The following GRID2 variants were observed in gnomAD, a reference collection of about 807,000 sequenced individuals.
GRID2 encodes glutamate receptor ionotropic, delta-2.
Under a neutral mutation model 114.8 loss-of-function variants are expected in GRID2, and 33 were observed. The observed-to-expected ratio is 0.29, with a 90% confidence interval of 0.22 to 0.38. The LOEUF (loss-of-function observed/expected upper bound fraction) is 0.38. Among genes scored for constraint, GRID2 ranks in the 10% least tolerant of loss-of-function variants. GRID2 has a pLI of 1.00. For missense variants in GRID2, 1,184 were observed against 1,257.7 expected (o/e 0.94, Z 0.89); for synonymous variants, 505 against 449.9 (o/e 1.12, Z -1.55).
intron 13 of GRID2, among the ~76,000 whole-genome samples, chr4:93,588,448 C>T (rs1268630808): frequency 3.9e-5 from 6 of 152,084 alleles, no homozygotes; most frequent in African/African-American, 1.4e-4. Flanking sequence ...TGCAAACAGT[C>T]GATCACCAGT....
intron 8 of GRID2, among the ~76,000 whole-genome samples, chr4:93,315,234 T>C (rs1756461891): frequency 6.6e-6 from 1 of 152,100 alleles, no homozygotes. Context: ...ATCACTTTTC[T>C]CCCTCCACAC....
intron 1 of GRID2, among the ~76,000 whole-genome samples, chr4:92,533,709 A>C (rs946330525): frequency 2.0e-5 from 3 of 152,168 alleles, no homozygotes; most frequent in African/African-American, 7.2e-5. Context: ...ATATTAAACA[A>C]TATGGTAGTG....
chr4:92,735,660 C>G (rs894864447), intron 2 of GRID2, among the ~76,000 whole-genome samples: 3 of 152,088 alleles, frequency 2.0e-5, no homozygotes, highest in Non-Finnish European at 4.4e-5. Flanking sequence ...GATGTAAGTG[C>G]TACTCAGACT....
chr4:93,693,081 T>C (rs185733284), intron 14 of GRID2, among the ~76,000 whole-genome samples: 1 of 152,178 alleles, frequency 6.6e-6, no homozygotes, highest in Non-Finnish European at 1.5e-5. Context: ...AGAAAATAAA[T>C]CCATCTGGCC....
At chr4:93,519,475 C>T (rs1449854610) in intron 13 of GRID2, among the ~76,000 whole-genome samples, 1 of 152,106 alleles carries the variant, frequency 6.6e-6, no homozygotes, top group Non-Finnish European at 1.5e-5. Context: ...AGGACATAAA[C>T]AGATACAGCT....
intron 2 of GRID2, among the ~76,000 whole-genome samples, chr4:92,863,056 T>C (rs548812828): frequency 6.6e-6 from 1 of 152,268 alleles, no homozygotes; most frequent in African/African-American, 2.4e-5. Context: ...TCTAAGTCTT[T>C]GAGCTTAAAA....
At chr4:93,695,084 C>G (rs1468668360) in intron 14 of GRID2, among the ~76,000 whole-genome samples, 5 of 151,134 alleles carry the variant, frequency 3.3e-5, no homozygotes, top group Non-Finnish European at 7.4e-5. Flanking sequence ...GGCAGGAGAA[C>G]TGCTTGAACC....
chr4:92,706,605 G>T (rs1734969652), intron 2 of GRID2, among the ~76,000 whole-genome samples: 1 of 152,070 alleles, frequency 6.6e-6, no homozygotes, highest in Non-Finnish European at 1.5e-5. Flanking sequence ...AATGTGGAGG[G>T]TGCTATTAGT....
intron 9 of GRID2, 99 bp from the exon 10 acceptor site, chr4:93,422,672 A>C: frequency 2.7e-6 from 2 of 734,264 alleles, no homozygotes; most frequent in Non-Finnish European, 2.3e-6. Flanking sequence ...CAAAGTATAA[A>C]ACAATTTTTA....
intron 14 of GRID2, among the ~76,000 whole-genome samples, chr4:93,731,702 G>C (rs182872772): frequency 6.6e-6 from 1 of 152,210 alleles, no homozygotes. Flanking sequence ...CTTGTGGTAT[G>C]CAGACTCATT....
At chr4:92,535,707 T>G (rs1221487511) in intron 1 of GRID2, among the ~76,000 whole-genome samples, 1 of 152,166 alleles carries the variant, frequency 6.6e-6, no homozygotes, top group Non-Finnish European at 1.5e-5. Context: ...AAATCTATTG[T>G]GTCTGGAACT....
chr4:92,938,826 G>A (rs1322233844), intron 2 of GRID2, among the ~76,000 whole-genome samples: 1 of 134,270 alleles, frequency 7.4e-6, no homozygotes, highest in African/African-American at 2.7e-5. Context: ...TTGGTTTTTT[G>A]TCCTTGCGAT....
In GRID2 at chr4:92,606,501, C is replaced by G. The variant is rs2149224086; in HGVS notation, c.244+16215C>G. Among the ~76,000 whole-genome samples, 2 of 152,072 alleles carry G rather than the reference C, an allele frequency of 1.3e-5. 1 individual carries two copies. Among genetic ancestry groups the G allele is most frequent in the East Asian group, 3.9e-4 (2 of 5,150 alleles). On this transcript the variant is annotated intron_variant, in intron 2 of 15. Transcript: ENST00000282020. ...AGAAGGTAAGGCATTTATTTTCTGT[C>G]TTCTGTGTGTGGTTGTCTTAAGCTG...
intron 14 of GRID2, among the ~76,000 whole-genome samples, chr4:93,733,965 A>C (rs1402519235): frequency 4.0e-5 from 6 of 151,788 alleles, no homozygotes; most frequent in Admixed American, 6.6e-5. Context: ...CTTTTTTAAA[A>C]CTCTTCTTAA....
At chr4:93,223,804 C>CTT (rs1290927494) in intron 6 of GRID2, among the ~76,000 whole-genome samples, 1 of 151,900 alleles carries the variant, frequency 6.6e-6, no homozygotes, top group Non-Finnish European at 1.5e-5. Flanking sequence ...AAATAAGCAC[C>CTT]TTTGGTGATT....
chr4:93,527,003 A>G (rs759802670), intron 13 of GRID2, among the ~76,000 whole-genome samples: 2 of 152,084 alleles, frequency 1.3e-5, no homozygotes, highest in African/African-American at 4.8e-5. Flanking sequence ...GTGTGTATGT[A>G]TATTATACAT....
chr4:93,302,734 T>C, intron 8 of GRID2: 1 of 363,842 alleles, frequency 2.7e-6, no homozygotes, highest in Non-Finnish European at 5.4e-6. Flanking sequence ...TTTATGCTCA[T>C]TTCCTAATAA....
intron 9 of GRID2, among the ~76,000 whole-genome samples, chr4:93,416,258 T>TA (rs944720486): frequency 6.6e-6 from 1 of 151,708 alleles, no homozygotes; most frequent in Non-Finnish European, 1.5e-5. Context: ...ATATGCTCTA[T>TA]AAAAAAAAGT....
chr4:93,388,389 G>T (rs1313033019), intron 8 of GRID2, among the ~76,000 whole-genome samples: 12 of 152,130 alleles, frequency 7.9e-5, no homozygotes, highest in Admixed American at 7.9e-4. Flanking sequence ...TCATTGGCAT[G>T]GGGTGTGGCT....
Sources: allele counts gnomAD v4.1 joint callset (sites outside exome capture counted in the v4.1 genomes callset), GRCh38; gene constraint gnomAD v4.1.1; transcripts MANE v1.5; gene names NCBI Gene and HGNC (gene_info 2026-07-23, HGNC 2026-07-21).